RGSL1: variants seen among roughly 807,000 people sequenced by gnomAD.
RGSL1 encodes regulator of G protein signaling protein-like.
Under a neutral mutation model 124.7 loss-of-function variants are expected in RGSL1, and 97 were observed. The observed-to-expected ratio is 0.78, with a 90% confidence interval of 0.66 to 0.92. The LOEUF (loss-of-function observed/expected upper bound fraction) is 0.92. Ranked by LOEUF, RGSL1 falls within the 40% of genes least tolerant of loss-of-function variation. The probability of loss-of-function intolerance (pLI) is 0.00; values close to 1 mark genes in which losing one functional copy is unlikely to be tolerated. For synonymous variants in RGSL1, 424 were observed against 438.1 expected (o/e 0.97, Z 0.40); for missense variants, 1,233 against 1,288.4 (o/e 0.96, Z 0.66).
chr1:182,548,561 A>G (rs1350613838), intron 16 of RGSL1, 106 bp downstream of exon 16: 1 of 1,512,620 alleles, frequency 6.6e-7, no homozygotes, highest in East Asian at 2.5e-5. Context: ...CTGGCTAACT[A>G]CATATCCTTT....
chr1:182,499,723 G>T (rs1041931985), intron 9 of RGSL1, among the ~76,000 whole-genome samples: 2 of 152,150 alleles, frequency 1.3e-5, no homozygotes, highest in African/African-American at 4.8e-5. Flanking sequence ...CTCATTAGCT[G>T]GTTATTATGC....
intron 2 of RGSL1, among the ~76,000 whole-genome samples, chr1:182,454,877 T>C (rs1010893899): frequency 2.6e-5 from 4 of 152,204 alleles, no homozygotes; most frequent in Non-Finnish European, 5.9e-5. Flanking sequence ...TGGTGCCTTA[T>C]GAATTGTGAC....
At chr1:182,553,796 G>A (rs1171359448) in intron 19 of RGSL1, among the ~76,000 whole-genome samples, 1 of 152,084 alleles carries the variant, frequency 6.6e-6, no homozygotes, top group Non-Finnish European at 1.5e-5. Flanking sequence ...CCCCGGGAAG[G>A]CAGGTACCTT....
At position 182,509,531 on chromosome 1, in the gene RGSL1, G is replaced by C. The variant is rs1446448240; in HGVS notation, c.1826-12473G>C. ...CCCTCCCGGACGGGGCAGCTGGCCG[G>C]GTGGGGGGGCTGACGCCCCCATCTC... is the stretch of plus-strand genomic sequence containing the variant. On this transcript the variant is annotated intron_variant, in intron 9 of 21. Transcript: ENST00000294854. 1.5e-4 allele frequency among the ~76,000 whole-genome samples: 16 copies of C among 105,912 alleles called. No homozygotes were observed. The East Asian group carries it at 3.9e-3, about 26-fold the overall frequency. The allele number at this position is 105,912 out of a possible 152,430, so 69.5% of individuals were successfully genotyped here. A position where few individuals can be genotyped will look rare whatever the true frequency, so the allele number is the denominator to read the frequency against.
chr1:182,549,925 T>C (rs1436229449), intron 17 of RGSL1: 1 of 152,194 alleles, frequency 6.6e-6, no homozygotes, highest in African/African-American at 2.4e-5. Flanking sequence ...TTTGGAGGGA[T>C]TGGGAACCTC....
In RGSL1 at chr1:182,473,811, A is replaced by G; in HGVS notation, c.700A>G (p.Met234Val). 1 of 1,551,762 alleles carries G rather than the reference A, an allele frequency of 6.4e-7. No homozygotes were observed. Among genetic ancestry groups the G allele is most frequent in the Non-Finnish European group, 8.7e-7 (1 of 1,146,998 alleles). ...CCACATAGGAGGGCTCCCTCTGAAC[A>G]TGAGCATCAAGAAGTGCCACCACTT... ...YTHIGGLPLN[M>V]SIKKCHHFQK... Residue 234 changes from methionine to valine, a missense_variant, in exon 6 of 22, where the codon ATG becomes GTG. Coordinates refer to ENST00000294854, the MANE Select transcript of RGSL1 (RefSeq NM_001137669.2).
intron 9 of RGSL1, among the ~76,000 whole-genome samples, chr1:182,516,232 G>A (rs895536984): frequency 2.0e-5 from 3 of 152,240 alleles, no homozygotes; most frequent in African/African-American, 7.2e-5. Flanking sequence ...AAGCAGAAAT[G>A]CCTGTTCCCA....
At chr1:182,453,853 C>A in intron 1 of RGSL1, 105 bp from the exon 2 acceptor site, 1 of 669,180 alleles carries the variant, frequency 1.5e-6, no homozygotes, top group Admixed American at 2.3e-5. Context: ...TGTCATCATG[C>A]TGAGATTTGG....
At chr1:182,497,328 A>T (rs1239190398) in intron 9 of RGSL1, among the ~76,000 whole-genome samples, 1 of 146,482 alleles carries the variant, frequency 6.8e-6, no homozygotes, top group Non-Finnish European at 1.5e-5. Flanking sequence ...TATATATATT[A>T]TATATATATA....
intron 14 of RGSL1, among the ~76,000 whole-genome samples, chr1:182,540,016 A>G (rs529466304): frequency 2.0e-5 from 3 of 152,288 alleles, no homozygotes; most frequent in Non-Finnish European, 4.4e-5. Flanking sequence ...TCTATTAGAT[A>G]AGCACCTTCG....
intron 9 of RGSL1, among the ~76,000 whole-genome samples, chr1:182,497,454 TA>T (rs1374088838): frequency 1.3e-5 from 2 of 151,270 alleles, no homozygotes; most frequent in Admixed American, 6.6e-5. Flanking sequence ...CTCTTGAAAA[TA>T]ACAACTAACT....
In RGSL1 at chr1:182,531,002, A is replaced by T. The variant is rs1484232815; in HGVS notation, c.2364+92A>T. On this transcript the variant is annotated intron_variant, in intron 13 of 21. Transcript: ENST00000294854. Reference sequence around the variant, plus strand: ...TTAAATCCCCATTTTGCAAAGGAAGAATCTGAGACTCAGATAAATTACTAT... The same window carrying T: ...TTAAATCCCCATTTTGCAAAGGAAGTATCTGAGACTCAGATAAATTACTAT... The T allele has an allele frequency of 3.6e-6, 5 of 1,384,970 alleles. No individual in the cohort carries two copies. The South Asian group carries it at 5.4e-5, about 15-fold the overall frequency. The allele number at this position is 1,384,970 out of a possible 1,614,324, so 85.8% of individuals were successfully genotyped here.
chr1:182,535,928 A>G (rs1659506584), intron 14 of RGSL1, among the ~76,000 whole-genome samples: 1 of 152,106 alleles, frequency 6.6e-6, no homozygotes, highest in Non-Finnish European at 1.5e-5. Context: ...TTTTTAATCA[A>G]CACCCTCCCC....
chr1:182,498,483 G>C (rs143976441), intron 9 of RGSL1, among the ~76,000 whole-genome samples: 1 of 152,112 alleles, frequency 6.6e-6, no homozygotes, highest in Non-Finnish European at 1.5e-5. Flanking sequence ...TTAGTGGTTC[G>C]AGCTAAAGAA....
intron 2 of RGSL1, among the ~76,000 whole-genome samples, chr1:182,454,667 A>T (rs16858990): frequency 6.6e-6 from 1 of 151,434 alleles, no homozygotes; most frequent in African/African-American, 2.4e-5. Context: ...CTGCAGGACA[A>T]GGACTGAGGA....
intron 5 of RGSL1, 67 bp from the exon 6 acceptor site, chr1:182,473,508 C>G: frequency 1.4e-6 from 2 of 1,452,502 alleles, no homozygotes; most frequent in Non-Finnish European, 1.8e-6. Flanking sequence ...TTAAAAACCT[C>G]TCCAACACCA....
chr1:182,557,075 G>A (rs1375541111), intron 21 of RGSL1, among the ~76,000 whole-genome samples: 2 of 152,212 alleles, frequency 1.3e-5, no homozygotes, highest in South Asian at 2.1e-4. Flanking sequence ...GAGACTCTGA[G>A]GTCACCTGGT....
chr1:182,527,798 T>A (rs1658865524), intron 11 of RGSL1, 26 bp downstream of exon 11: 1 of 1,525,876 alleles, frequency 6.6e-7, no homozygotes, highest in Admixed American at 2.0e-5. Flanking sequence ...TGATCCTGTT[T>A]TCTCTCTCTC....
At chr1:182,547,251 G>A (rs1286079046) in intron 15 of RGSL1, among the ~76,000 whole-genome samples, 1 of 152,210 alleles carries the variant, frequency 6.6e-6, no homozygotes, top group African/African-American at 2.4e-5. Context: ...TGCTATGGGA[G>A]AATCAGGCAT....
Sources: gnomAD v4.1 joint callset for allele counts (sites outside exome capture counted in the v4.1 genomes callset) on GRCh38, gnomAD v4.1.1 for gene constraint, MANE v1.5 for transcripts, NCBI Gene and HGNC (gene_info 2026-07-23, HGNC 2026-07-21) for gene names.